The following DYNLT2B variants were observed in gnomAD, a reference collection of about 807,000 sequenced individuals.
DYNLT2B encodes dynein light chain Tctex-type 2B, also known as dynein light chain Tctex-type protein 2B.
Under a neutral mutation model 19.5 loss-of-function variants are expected in DYNLT2B, and 14 were observed. That is an observed-to-expected ratio of 0.72 (90% confidence interval 0.47 to 1.12). The LOEUF is 1.12. Among genes scored for constraint, DYNLT2B ranks in the 50% most tolerant of loss-of-function variants. DYNLT2B has a pLI of 0.00. For synonymous variants in DYNLT2B, 70 were observed against 59.7 expected (o/e 1.17, Z -0.79); for missense variants, 133 against 174.7 (o/e 0.76, Z 1.35).
At chr3:196,295,871 TA>T in intron 4 of DYNLT2B, 134 bp downstream of exon 4, 1 of 750,902 alleles carries the variant, frequency 1.3e-6, no homozygotes, top group Non-Finnish European at 2.2e-6. Context: ...AAACTAACAG[TA>T]AAATCATTTC....
chr3:196,313,199 ATTT>A (rs1292189022), intron 2 of DYNLT2B, among the ~76,000 whole-genome samples: 1 of 141,402 alleles, frequency 7.1e-6, no homozygotes, highest in Non-Finnish European at 1.6e-5. Flanking sequence ...AGTATTAATG[ATTT>A]TTTTTTTTTT....
At chr3:196,317,154 A>AGTGTGTGTGTGTGTGTGT (rs199908321) in intron 1 of DYNLT2B, among the ~76,000 whole-genome samples, 1 of 34,920 alleles carries the variant, frequency 2.9e-5, no homozygotes, top group Non-Finnish European at 5.0e-5. Flanking sequence ...ATTTTTTTTC[A>AGTGTGTGTGTGTGTGTGT]GTGTGTGTGT....
Position 196,318,038 on chromosome 3 carries a change from G to T in DYNLT2B, c.113+2C>A. 1 of 1,515,710 alleles carries T rather than the reference G, an allele frequency of 6.6e-7. No homozygotes were observed. The highest frequency in any genetic ancestry group is 8.8e-7 in the Non-Finnish European group (1 of 1,131,492). 93.9% of individuals were successfully genotyped at this position (1,515,710 alleles called of 1,614,324 possible). A position where few individuals can be genotyped will look rare whatever the true frequency, so the allele number is the denominator to read the frequency against. On this transcript the variant is annotated splice_donor_variant, in intron 1 of 4. Coordinates refer to ENST00000325318, the MANE Select transcript of DYNLT2B (RefSeq NM_152773.5). LOFTEE classifies it high-confidence loss of function. Reference sequence around the variant, plus strand: ...CCCCGCCACAGCCCGTCCTCTACCCGCCTCTGCTGGAAAACAGGCCGCAGA... The same window carrying T: ...CCCCGCCACAGCCCGTCCTCTACCCTCCTCTGCTGGAAAACAGGCCGCAGA...
chr3:196,307,110 C>T, intron 2 of DYNLT2B, 98 bp from the exon 3 acceptor site: 1 of 1,012,122 alleles, frequency 9.9e-7, no homozygotes, highest in Non-Finnish European at 1.5e-6. Flanking sequence ...ATTCAATCCA[C>T]AAGTACTTAA....
chr3:196,315,993 C>T (rs1315138513), intron 2 of DYNLT2B, 105 bp downstream of exon 2: 6 of 1,301,386 alleles, frequency 4.6e-6, no homozygotes, highest in Non-Finnish European at 6.3e-6. Flanking sequence ...GCGTGAGCCA[C>T]CACACCTGGC....
chr3:196,291,531 T>A (rs936806064), intron 4 of DYNLT2B, among the ~76,000 whole-genome samples, 157 bp from the exon 5 acceptor site: 3 of 152,040 alleles, frequency 2.0e-5, no homozygotes, highest in East Asian at 1.9e-4. Flanking sequence ...CAGGCTGGAG[T>A]GCAGTGGTGT....
At chr3:196,295,917 G>T in intron 4 of DYNLT2B, 89 bp downstream of exon 4, 1 of 1,070,282 alleles carries the variant, frequency 9.3e-7, no homozygotes, top group Non-Finnish European at 1.4e-6. Flanking sequence ...TAAGACAGCA[G>T]TGTCTTTCCA....
In DYNLT2B at chr3:196,316,116, T is replaced by A. The variant is rs1726784578; in HGVS notation, c.229A>T (p.Ile77Phe). 6.2e-7 allele frequency: 1 copy of A among 1,613,382 alleles called. No individual in the cohort carries two copies. The highest frequency in any genetic ancestry group is 1.7e-5 in the Admixed American group (1 of 59,926). ...PQLTKHLSEN[I>F]KDKLKEMGFD... ...TGATTACCTTTTAATTTATCTTTAA[T>A]GTTTTCTGATAAATGTTTTGTAAGC... The change falls in exon 2 of 5, where the codon ATT becomes TTT. Residue 77 changes from isoleucine to phenylalanine, a missense_variant. Transcript: ENST00000325318.
chr3:196,310,070 A>G (rs1346410760), intron 2 of DYNLT2B, among the ~76,000 whole-genome samples: 5 of 151,974 alleles, frequency 3.3e-5, no homozygotes, highest in African/African-American at 1.2e-4. Context: ...TTATAAACTC[A>G]ATGAAATAAG....
intron 1 of DYNLT2B, among the ~76,000 whole-genome samples, chr3:196,317,110 C>T (rs12487574): frequency 8.8e-6 from 1 of 113,570 alleles, no homozygotes; most frequent in Non-Finnish European, 1.7e-5. Context: ...TCTTACAAAC[C>T]TGAGTACCCT....
At chr3:196,315,733 G>A (rs1295558367) in intron 2 of DYNLT2B, among the ~76,000 whole-genome samples, 3 of 152,070 alleles carry the variant, frequency 2.0e-5, no homozygotes, top group African/African-American at 2.4e-5. Context: ...TTAGCCAGGC[G>A]TGATGGTGCA....
chr3:196,307,107 C>T, intron 2 of DYNLT2B, 95 bp from the exon 3 acceptor site: 2 of 1,035,478 alleles, frequency 1.9e-6, no homozygotes, highest in African/African-American at 1.6e-5. Flanking sequence ...AACATTCAAT[C>T]CACAAGTACT....
At chr3:196,314,098 C>CA (rs139679685) in intron 2 of DYNLT2B, among the ~76,000 whole-genome samples, 4 of 149,160 alleles carry the variant, frequency 2.7e-5, no homozygotes, top group Non-Finnish European at 3.0e-5. Context: ...AACTCCATCT[C>CA]AAAAAAAAAC....
intron 2 of DYNLT2B, 84 bp from the exon 3 acceptor site, chr3:196,307,096 A>T: frequency 8.4e-7 from 1 of 1,193,408 alleles, no homozygotes; most frequent in Non-Finnish European, 1.2e-6. Flanking sequence ...AAATGGACAT[A>T]AACATTCAAT....
chr3:196,312,320 A>G lies in DYNLT2B; in HGVS notation c.247+3778T>C, dbSNP rs186349064. 3.1e-3 allele frequency among the ~76,000 whole-genome samples: 463 copies of G among 151,764 alleles called. 3 individuals are homozygous for G. The highest frequency in any genetic ancestry group is 5.2e-3 in the Non-Finnish European group (355 of 67,900). ...GGCGTGAGCCACCACGTCCAGCCAA[A>G]GGTGAGGATTCCTTAAGCAGAGAAC... On this transcript the variant is annotated intron_variant, in intron 2 of 4. Transcript: ENST00000325318.
chr3:196,294,339 TTC>T (rs2108789883), intron 4 of DYNLT2B, among the ~76,000 whole-genome samples: 1 of 152,212 alleles, frequency 6.6e-6, no homozygotes, highest in African/African-American at 2.4e-5. Context: ...AAGAGCAAAA[TTC>T]TGTCTCAAAA....
chr3:196,309,471 G>C (rs965659194), intron 2 of DYNLT2B, among the ~76,000 whole-genome samples: 1 of 151,838 alleles, frequency 6.6e-6, no homozygotes, highest in Non-Finnish European at 1.5e-5. Flanking sequence ...CTCCATGTTG[G>C]TCAGGTTGTT....
chr3:196,297,960 G>A (rs1212871473), intron 3 of DYNLT2B: 2 of 153,966 alleles, frequency 1.3e-5, no homozygotes, highest in African/African-American at 2.4e-5. Context: ...AATAAAACAC[G>A]TCCAACTGTT....
In DYNLT2B at chr3:196,318,156, G is replaced by A; in HGVS notation, c.-4C>T. The A allele has an allele frequency of 6.7e-7, 1 of 1,499,256 alleles. No individual in the cohort carries two copies. The allele number at this position is 1,499,256 out of a possible 1,614,324, so 92.9% of individuals were successfully genotyped here. On this transcript the variant is annotated 5_prime_UTR_variant, in exon 1 of 5. Coordinates refer to ENST00000325318, the MANE Select transcript of DYNLT2B (RefSeq NM_152773.5). ...ACACTCCGATGGACGTGGCCATGCC[G>A]GGGCTTCTCGGTCCGGGCGTAGCTC...
Sources: allele counts gnomAD v4.1 joint callset (sites outside exome capture counted in the v4.1 genomes callset), GRCh38; gene constraint gnomAD v4.1.1; transcripts MANE v1.5; gene names NCBI Gene and HGNC (gene_info 2026-07-23, HGNC 2026-07-21).